The following PLCB4 variants were observed in gnomAD, a reference collection of about 807,000 sequenced individuals.
The protein encoded by PLCB4 is 1-phosphatidylinositol 4,5-bisphosphate phosphodiesterase beta-4.
A neutral mutation model predicts 178.8 loss-of-function variants in PLCB4; 77 were observed. The ratio of observed to expected loss-of-function variants is 0.43; its 90% CI spans 0.36 to 0.52. PLCB4 has a LOEUF of 0.52. Ranked by LOEUF, PLCB4 falls within the 20% of genes least tolerant of loss-of-function variation. The probability of loss-of-function intolerance (pLI) is 0.00; values close to 1 mark genes in which losing one functional copy is unlikely to be tolerated. For missense variants in PLCB4, 1,024 were observed against 1,453.4 expected (o/e 0.70, Z 4.80); for synonymous variants, 496 against 490.8 (o/e 1.01, Z -0.14).
intron 2 of PLCB4, among the ~76,000 whole-genome samples, chr20:9,141,325 C>G (rs2092486054): frequency 6.6e-6 from 1 of 152,278 alleles, no homozygotes; most frequent in South Asian, 2.1e-4. Flanking sequence ...GGATGCACCT[C>G]TGAGCATAAT....
At chr20:9,316,888 A>C (rs1244507291) in intron 4 of PLCB4, among the ~76,000 whole-genome samples, 1 of 152,170 alleles carries the variant, frequency 6.6e-6, no homozygotes, top group Non-Finnish European at 1.5e-5. Context: ...CTGGTCTCTC[A>C]TGCTCCCAAA....
intron 2 of PLCB4, among the ~76,000 whole-genome samples, chr20:9,143,100 G>A (rs567890560): frequency 6.6e-6 from 1 of 152,200 alleles, no homozygotes; most frequent in East Asian, 1.9e-4. Flanking sequence ...TTTGCCAATT[G>A]GGGCCTTTCT....
At chr20:9,409,244 A>C in intron 24 of PLCB4, 63 bp downstream of exon 24, 1 of 1,409,430 alleles carries the variant, frequency 7.1e-7, no homozygotes, top group Non-Finnish European at 9.5e-7. Flanking sequence ...TGGTGCCAGC[A>C]CTTCCCATCA....
intron 33 of PLCB4, among the ~76,000 whole-genome samples, chr20:9,457,209 A>C (rs187626620): frequency 1.8e-3 from 276 of 152,324 alleles, no homozygotes; most frequent in Non-Finnish European, 2.6e-3. Flanking sequence ...GCCTCTTTGT[A>C]TAGTGGTTGA....
At chr20:9,294,385 GA>G (rs1239301798) in intron 3 of PLCB4, among the ~76,000 whole-genome samples, 1 of 151,656 alleles carries the variant, frequency 6.6e-6, no homozygotes, top group Non-Finnish European at 1.5e-5. Flanking sequence ...TCTTAAGGAT[GA>G]AGCTTGAAAA....
intron 3 of PLCB4, among the ~76,000 whole-genome samples, chr20:9,247,404 A>G (rs2094136796): frequency 6.6e-6 from 1 of 152,216 alleles, no homozygotes; most frequent in Non-Finnish European, 1.5e-5. Context: ...ATTTCTGAAC[A>G]CTTGCATGTA....
chr20:9,193,221 C>G (rs2093427828), intron 2 of PLCB4, among the ~76,000 whole-genome samples: 1 of 152,152 alleles, frequency 6.6e-6, no homozygotes. Flanking sequence ...AAGATGATCG[C>G]AGGAAATACT....
At chr20:9,079,883 A>G (rs1308416135) in intron 1 of PLCB4, among the ~76,000 whole-genome samples, 1 of 152,148 alleles carries the variant, frequency 6.6e-6, no homozygotes, top group Non-Finnish European at 1.5e-5. Context: ...TTCTTGGGAA[A>G]TGCGTAGAAT....
At chr20:9,312,353 T>TACACACAC (rs34443371) in intron 4 of PLCB4, among the ~76,000 whole-genome samples, 1,597 of 127,806 alleles carry the variant, frequency 0.012, 18 homozygotes, top group African/African-American at 0.021. Flanking sequence ...CCTTCCACCC[T>TACACACAC]ACACACACAC....
rs2036382693 is a variant in PLCB4, at chr20:9,373,050, T to C, written c.690T>C (p.Asn230=). The C allele has an allele frequency of 2.7e-6, 4 of 1,483,656 alleles. No individual in the cohort carries two copies. The highest frequency in any genetic ancestry group is 2.3e-5 in the East Asian group (1 of 44,176). The allele number at this position is 1,483,656 out of a possible 1,614,324, so 91.9% of individuals were successfully genotyped here. A position where few individuals can be genotyped will look rare whatever the true frequency, so the allele number is the denominator to read the frequency against. ...TDIEDLFKKI[N]GDKTDYLTVD... is the part of the protein sequence containing the mutation. ...TTTCTAATAAATTTCTTTTCAGCAATGGAGACAAAACTGATTATTTAACGG... is the reference window on the plus strand; with the variant it reads ...TTTCTAATAAATTTCTTTTCAGCAACGGAGACAAAACTGATTATTTAACGG... Residue 230 remains asparagine, a synonymous_variant, in exon 12 of 40, where the codon AAT becomes AAC. Coordinates refer to ENST00000378473, the MANE Select transcript of PLCB4 (RefSeq NM_001377142.1).
chr20:9,435,333 G>A (rs1031552627), intron 28 of PLCB4, among the ~76,000 whole-genome samples: 4 of 152,170 alleles, frequency 2.6e-5, no homozygotes, highest in Non-Finnish European at 5.9e-5. Context: ...CTTTGTATCA[G>A]GAAAAACTAA....
chr20:9,434,441 T>C (rs1292356304), intron 28 of PLCB4, among the ~76,000 whole-genome samples: 1 of 152,188 alleles, frequency 6.6e-6, no homozygotes, highest in Non-Finnish European at 1.5e-5. Context: ...ATTGGCACGA[T>C]CTCTGCTCAC....
chr20:9,386,441 A>T (rs559126155), intron 14 of PLCB4, among the ~76,000 whole-genome samples: 1 of 152,276 alleles, frequency 6.6e-6, no homozygotes, highest in Non-Finnish European at 1.5e-5. Flanking sequence ...ATGTAGTTAC[A>T]TTATGTTTTT....
chr20:9,253,791 A>G (rs1342990805), intron 3 of PLCB4, among the ~76,000 whole-genome samples: 2 of 152,216 alleles, frequency 1.3e-5, no homozygotes, highest in Non-Finnish European at 2.9e-5. Context: ...CTGAAGATTT[A>G]GAAGGTGCAC....
rs951529153 is a variant in PLCB4 at position 9,069,099 on chromosome 20, A to ACACACG, written c.-230_-225dup. The ACACACG allele has an allele frequency of 6.5e-6, 1 of 153,074 alleles. No individual in the cohort carries two copies. The highest frequency in any genetic ancestry group is 1.5e-5 in the Non-Finnish European group (1 of 68,452). The allele number at this position is 153,074 out of a possible 1,614,324, so 9.5% of individuals were successfully genotyped here. A position where few individuals can be genotyped will look rare whatever the true frequency, so the allele number is the denominator to read the frequency against. On this transcript the variant is annotated 5_prime_UTR_variant, in exon 1 of 40. Coordinates refer to ENST00000378473, the MANE Select transcript of PLCB4 (RefSeq NM_001377142.1). ...AACAAGATCTCTCACACACAGACAC[A>ACACACG]CACACGCACACGCACACACGGGCGC...
At chr20:9,356,691 A>G (rs1205870461) in intron 7 of PLCB4, among the ~76,000 whole-genome samples, 1 of 152,228 alleles carries the variant, frequency 6.6e-6, no homozygotes, top group Non-Finnish European at 1.5e-5. Flanking sequence ...CAAGGAGTCA[A>G]AAACTATATT....
chr20:9,092,506 G>A lies in PLCB4; in HGVS notation c.-134-3781G>A, dbSNP rs1001121107. Among the ~76,000 whole-genome samples the A allele has an allele frequency of 3.3e-5, 5 of 152,098 alleles. No individual in the cohort carries two copies. In the South Asian group the frequency reaches 6.2e-4, roughly 19 times the overall value. On this transcript the variant is annotated intron_variant, in intron 1 of 39. Coordinates refer to ENST00000378473, the MANE Select transcript of PLCB4 (RefSeq NM_001377142.1). ...TTACTGAGCAGTTATAGGGTGCATC[G>A]CAGTTAGTTAAAATAGGAGCAGCTT...
intron 3 of PLCB4, among the ~76,000 whole-genome samples, chr20:9,264,635 A>T (rs1001049605): frequency 6.6e-6 from 1 of 152,214 alleles, no homozygotes; most frequent in African/African-American, 2.4e-5. Flanking sequence ...GTATTTATCA[A>T]AACAGTTTCA....
chr20:9,359,400 T>C (rs2035123844), intron 7 of PLCB4, among the ~76,000 whole-genome samples: 1 of 152,192 alleles, frequency 6.6e-6, no homozygotes, highest in South Asian at 2.1e-4. Flanking sequence ...GCACAAGCCC[T>C]CAAGTCCCTT....
Sources: allele counts gnomAD v4.1 joint callset (sites outside exome capture counted in the v4.1 genomes callset), GRCh38; gene constraint gnomAD v4.1.1; transcripts MANE v1.5; gene names NCBI Gene and HGNC (gene_info 2026-07-23, HGNC 2026-07-21).